Variants in ADGRL2 observed in about 807,000 individuals in gnomAD.
The protein encoded by ADGRL2 is adhesion G protein-coupled receptor L2.
In ADGRL2, 44 loss-of-function variants were observed where a neutral mutation model predicts 157.4. The ratio of observed to expected loss-of-function variants is 0.28; its 90% CI spans 0.22 to 0.36. The LOEUF (loss-of-function observed/expected upper bound fraction) is 0.36. Among genes scored for constraint, ADGRL2 ranks in the 10% least tolerant of loss-of-function variants. The pLI is 1.00. For synonymous variants in ADGRL2, 585 were observed against 624.7 expected, an observed-to-expected ratio of 0.94 and a Z score of 0.95; for missense variants, 1,510 against 1,768.9, an observed-to-expected ratio of 0.85 and a Z score of 2.63.
intron 2 of ADGRL2, among the ~76,000 whole-genome samples, chr1:81,881,214 C>T (rs2093977994): frequency 6.6e-6 from 1 of 152,146 alleles, no homozygotes; most frequent in Admixed American, 6.5e-5. Context: ...CTTGCTCTGT[C>T]ACCCAGGCTG....
chr1:81,797,443 G>C (rs200768491), upstream of ADGRL2, among the ~76,000 whole-genome samples: 5 of 151,948 alleles, frequency 3.3e-5, no homozygotes, highest in African/African-American at 9.7e-5. Flanking sequence ...GGCAGTTTTT[G>C]GCCTACTCTC....
At chr1:81,919,543 G>A (rs905515755) in intron 3 of ADGRL2, among the ~76,000 whole-genome samples, 10 of 118,786 alleles carry the variant, frequency 8.4e-5, no homozygotes, top group African/African-American at 3.2e-4. Flanking sequence ...ACATCCTTTA[G>A]TAAATGAAAG....
intron 1 of ADGRL2, among the ~76,000 whole-genome samples, chr1:81,372,775 C>T (rs557887964): frequency 6.6e-6 from 1 of 152,254 alleles, no homozygotes; most frequent in African/African-American, 2.4e-5. Flanking sequence ...CAAACTATAC[C>T]TGTCTACTTA....
chr1:81,477,494 A>C (rs1250450507), intron 2 of ADGRL2, among the ~76,000 whole-genome samples: 1 of 152,202 alleles, frequency 6.6e-6, no homozygotes, highest in Admixed American at 6.5e-5. Context: ...CAAAGAAACA[A>C]GTTTCCTGGC....
intron 1 of ADGRL2, among the ~76,000 whole-genome samples, chr1:81,434,233 T>C (rs1317810245): frequency 6.6e-6 from 1 of 152,198 alleles, no homozygotes; most frequent in Non-Finnish European, 1.5e-5. Flanking sequence ...ATTAACCACA[T>C]AGAGTTTTGT....
chr1:81,432,074 C>T (rs965949165), intron 1 of ADGRL2, among the ~76,000 whole-genome samples: 1 of 152,214 alleles, frequency 6.6e-6, no homozygotes, highest in African/African-American at 2.4e-5. Context: ...ACTGACCACA[C>T]TTTAAAATGT....
intron 1 of ADGRL2, among the ~76,000 whole-genome samples, chr1:81,805,720 C>T (rs539249998): frequency 1.5e-5 from 2 of 131,602 alleles, no homozygotes; most frequent in South Asian, 2.6e-4. Flanking sequence ...CTAGGAAGTA[C>T]TTTAGTGGTT....
At chr1:81,869,269 T>C (rs1293175066) in intron 2 of ADGRL2, among the ~76,000 whole-genome samples, 1 of 152,096 alleles carries the variant, frequency 6.6e-6, no homozygotes, top group African/African-American at 2.4e-5. Context: ...AGTTTCTTTT[T>C]AGTTATTTTC....
rs1164087131 is a variant in ADGRL2, at chr1:81,616,679, C to CT, written c.-143+35714dup. Among the ~76,000 whole-genome samples the CT allele has an allele frequency of 7.9e-3, 835 of 105,912 alleles. 15 individuals carry two copies. Among genetic ancestry groups the CT allele is most frequent in the Middle Eastern group, 0.027 (4 of 146 alleles). The allele number at this position is 105,912 out of a possible 152,430, so 69.5% of individuals were successfully genotyped here. A position where few individuals can be genotyped will look rare whatever the true frequency, so the allele number is the denominator to read the frequency against. ...TTTTTCTTTTCTTTTCTTTTCTTTT[C>CT]TTTTTTTTTTTTTTTGAGACAGGGT... On this transcript the variant is annotated intron_variant, in intron 3 of 24. Coordinates refer to the ADGRL2 transcript ENST00000370721.
exon 3 of ADGRL2, chr1:81,580,924 T>C (rs2080894838): frequency 6.6e-6 from 1 of 152,202 alleles, no homozygotes; most frequent in African/African-American, 2.4e-5. Context: ...CAATGAAGGC[T>C]TGTGGCTGTC....
intron 2 of ADGRL2, among the ~76,000 whole-genome samples, chr1:81,865,010 C>T (rs1041045130): frequency 6.6e-5 from 10 of 151,502 alleles, no homozygotes; most frequent in Non-Finnish European, 1.2e-4. Context: ...CCCCAAAAAA[C>T]AAAAAAAACC....
Position 81,966,386 on chromosome 1 carries a change from C to CT in ADGRL2, c.2144-17dup. 1 of 1,608,588 alleles carries CT rather than the reference C, an allele frequency of 6.2e-7. No individual in the cohort carries two copies. Among genetic ancestry groups the CT allele is most frequent in the Non-Finnish European group, 8.5e-7 (1 of 1,175,264 alleles). On this transcript the variant is annotated splice_polypyrimidine_tract_variant and intron_variant, in intron 12 of 23. Coordinates refer to ENST00000686636, the MANE Select transcript of ADGRL2 (RefSeq NM_001366006.2). The stretch of plus-strand genomic sequence containing the variant: ...AGCATGTTTTTTGTACATCATGTGA[C>CT]TATTTTTACCTTCCTAGGGCTTGCA...
intron 2 of ADGRL2, among the ~76,000 whole-genome samples, chr1:81,790,852 C>T (rs1467941331): frequency 1.3e-5 from 2 of 151,976 alleles, no homozygotes; most frequent in Admixed American, 1.3e-4. Flanking sequence ...TTTCTAGATA[C>T]ACAAATGTGA....
In ADGRL2 at chr1:81,942,963, T is replaced by G. The variant is rs1329243942; in HGVS notation, c.410-6T>G. 3 of 1,599,762 alleles carry G rather than the reference T, an allele frequency of 1.9e-6. No homozygotes were observed. Among genetic ancestry groups the G allele is most frequent in the East Asian group, 2.2e-5 (1 of 44,702 alleles). ...CTTAATTTTTGTCTTTCTCTGTAAC[T>G]GTTAGTTTTTGTGTGTCCTGGGACC... On this transcript the variant is annotated splice_polypyrimidine_tract_variant and splice_region_variant and intron_variant, in intron 5 of 23. Transcript: ENST00000686636.
intron 1 of ADGRL2, among the ~76,000 whole-genome samples, chr1:81,314,686 C>T (rs1659985820): frequency 6.6e-6 from 1 of 152,074 alleles, no homozygotes. Context: ...ACATAAAGTT[C>T]CTCTTTAATG....
chr1:81,629,737 A>T (rs917099915), intron 3 of ADGRL2, among the ~76,000 whole-genome samples: 1 of 149,810 alleles, frequency 6.7e-6, no homozygotes, highest in African/African-American at 2.5e-5. Flanking sequence ...GCATGCATGT[A>T]TGTGTTTGTG....
At chr1:81,647,564 T>A (rs1193789647) in intron 3 of ADGRL2, among the ~76,000 whole-genome samples, 1 of 152,184 alleles carries the variant, frequency 6.6e-6, no homozygotes, top group Non-Finnish European at 1.5e-5. Flanking sequence ...GTGTATAAGG[T>A]GTATATGATA....
intron 1 of ADGRL2, among the ~76,000 whole-genome samples, chr1:81,441,523 G>T (rs550462793): frequency 6.6e-6 from 1 of 152,036 alleles, no homozygotes; most frequent in South Asian, 2.1e-4. Context: ...GTTTGTTTTT[G>T]GGTTTTTTTG....
chr1:81,417,837 T>A (rs2101509473), intron 1 of ADGRL2, among the ~76,000 whole-genome samples: 1 of 152,324 alleles, frequency 6.6e-6, no homozygotes. Flanking sequence ...ATGTCAGTAG[T>A]GCCCAAGCTG....
Sources: allele counts gnomAD v4.1 joint callset (sites outside exome capture counted in the v4.1 genomes callset), GRCh38; gene constraint gnomAD v4.1.1; transcripts MANE v1.5; gene names NCBI Gene and HGNC (gene_info 2026-07-23, HGNC 2026-07-21).